The following SEZ6L variants were observed in gnomAD, a reference collection of about 807,000 sequenced individuals.
SEZ6L encodes the protein seizure 6-like protein.
SEZ6L carries 37 observed loss-of-function variants against 106.2 expected under a neutral mutation model. The observed-to-expected ratio is 0.35, with a 90% CI of 0.27 to 0.46. The LOEUF (loss-of-function observed/expected upper bound fraction) is 0.46. SEZ6L is among the 20% of genes least tolerant of loss of function. SEZ6L has a pLI of 1.00. For synonymous variants in SEZ6L, 541 were observed against 570.4 expected, an observed-to-expected ratio of 0.95 and a Z score of 0.73; for missense variants, 1,172 against 1,332.8, an observed-to-expected ratio of 0.88 and a Z score of 1.88.
chr22:26,191,870 C>T (rs1177489755), intron 1 of SEZ6L, among the ~76,000 whole-genome samples: 1 of 152,138 alleles, frequency 6.6e-6, no homozygotes, highest in African/African-American at 2.4e-5. Context: ...ACTTCCAGTC[C>T]TTGTGTTCAA....
At chr22:26,328,062 T>A (rs2082374401) in intron 9 of SEZ6L, among the ~76,000 whole-genome samples, 1 of 152,182 alleles carries the variant, frequency 6.6e-6, no homozygotes, top group Non-Finnish European at 1.5e-5. Flanking sequence ...AGTGTGTGGG[T>A]CCAACCTTCT....
intron 9 of SEZ6L, among the ~76,000 whole-genome samples, chr22:26,325,338 G>T (rs1314602967): frequency 1.3e-5 from 2 of 152,158 alleles, no homozygotes; most frequent in Non-Finnish European, 2.9e-5. Context: ...CAGGTCTCCT[G>T]GTCCCAGCCC....
chr22:26,327,374 G>T (rs534451657), intron 9 of SEZ6L, among the ~76,000 whole-genome samples: 12 of 107,680 alleles, frequency 1.1e-4, no homozygotes, highest in Admixed American at 2.9e-4. Context: ...CACACCACAT[G>T]ACACTACACA....
At chr22:26,320,256 G>A (rs1156292685) in intron 9 of SEZ6L, among the ~76,000 whole-genome samples, 9 of 152,228 alleles carry the variant, frequency 5.9e-5, no homozygotes, top group African/African-American at 2.2e-4. Flanking sequence ...GCCAAGTGCC[G>A]TGGGGCTTGG....
intron 16 of SEZ6L, among the ~76,000 whole-genome samples, chr22:26,379,251 G>C (rs1247368287): frequency 6.6e-6 from 1 of 152,246 alleles, no homozygotes; most frequent in African/African-American, 2.4e-5. Context: ...TTCAGAGCCA[G>C]CAACAGAGAG....
intron 5 of SEZ6L, among the ~76,000 whole-genome samples, chr22:26,303,398 T>C (rs182118340): frequency 1.6e-3 from 242 of 152,314 alleles, no homozygotes; most frequent in African/African-American, 5.7e-3. Context: ...ATATTAGAGA[T>C]ACAAAAAGGA....
chr22:26,309,085 C>T (rs1367486837), intron 6 of SEZ6L, among the ~76,000 whole-genome samples: 1 of 152,154 alleles, frequency 6.6e-6, no homozygotes, highest in Non-Finnish European at 1.5e-5. Flanking sequence ...ATTAGAAATT[C>T]ATCTGGGCAG....
At chr22:26,311,678 A>G in intron 7 of SEZ6L, 90 bp from the exon 8 acceptor site, 11 of 1,173,874 alleles carry the variant, frequency 9.4e-6, no homozygotes, top group Non-Finnish European at 1.2e-5. Context: ...GGGCTTTTCT[A>G]AACAGCACAG....
chr22:26,335,809 G>A (rs1211611658), intron 9 of SEZ6L, among the ~76,000 whole-genome samples: 1 of 152,116 alleles, frequency 6.6e-6, no homozygotes, highest in Non-Finnish European at 1.5e-5. Context: ...TTCTTTTGGT[G>A]AGCATCAAAT....
chr22:26,237,230 T>G, intron 1 of SEZ6L, among the ~76,000 whole-genome samples: 1 of 152,242 alleles, frequency 6.6e-6, no homozygotes, highest in East Asian at 1.9e-4. Context: ...TTCTTAGCAC[T>G]GACTCGCTGC....
intron 8 of SEZ6L, among the ~76,000 whole-genome samples, chr22:26,313,210 T>C (rs1335215824): frequency 6.6e-6 from 1 of 152,210 alleles, no homozygotes; most frequent in Non-Finnish European, 1.5e-5. Context: ...GCAGCTACCA[T>C]GTGCCAGACA....
Position 26,306,030 on chromosome 22 carries a change from CAA to C in SEZ6L, c.1401_1402del (p.Ser468LeufsTer3). 1.2e-6 allele frequency: 2 copies of C among 1,614,158 alleles called. No homozygotes were observed. Among genetic ancestry groups the C allele is most frequent in the Non-Finnish European group, 1.7e-6 (2 of 1,180,022 alleles). On this transcript the variant is annotated frameshift_variant, in exon 6 of 17. Coordinates refer to ENST00000248933, the MANE Select transcript of SEZ6L (RefSeq NM_021115.5). LOFTEE classifies it high-confidence loss of function. ...GCCACCATCGGCCGCGTCCTCTCCC[CAA>C]GTTACCCTGAAAACACAAATGGGAG... is the stretch of plus-strand genomic sequence containing the variant.
chr22:26,326,298 C>A (rs1019929053), intron 9 of SEZ6L, among the ~76,000 whole-genome samples: 1 of 152,196 alleles, frequency 6.6e-6, no homozygotes, highest in African/African-American at 2.4e-5. Flanking sequence ...CTTAGGGAGA[C>A]ACGACTGCTT....
chr22:26,375,370 C>A (rs553814749), intron 14 of SEZ6L, among the ~76,000 whole-genome samples: 46 of 152,252 alleles, frequency 3.0e-4, no homozygotes, highest in African/African-American at 9.9e-4. Flanking sequence ...TATGGCCAAC[C>A]CACCAAAGGA....
intron 1 of SEZ6L, among the ~76,000 whole-genome samples, chr22:26,194,840 A>G (rs541822728): frequency 6.6e-6 from 1 of 152,184 alleles, no homozygotes; most frequent in African/African-American, 2.4e-5. Flanking sequence ...ATACAAAAGC[A>G]TGTAAAGATC....
intron 1 of SEZ6L, among the ~76,000 whole-genome samples, chr22:26,290,953 T>C (rs1337215104): frequency 2.0e-5 from 3 of 152,300 alleles, no homozygotes; most frequent in Non-Finnish European, 4.4e-5. Flanking sequence ...AAAATGTACC[T>C]CCCCCAACCC....
chr22:26,352,705 C>A (rs1238638951), intron 12 of SEZ6L, among the ~76,000 whole-genome samples: 1 of 152,224 alleles, frequency 6.6e-6, no homozygotes, highest in Non-Finnish European at 1.5e-5. Context: ...ACTTACTGAG[C>A]ACTTACTGTA....
chr22:26,266,505 G>A lies in SEZ6L; in HGVS notation c.95-25901G>A, dbSNP rs531454441. On this transcript the variant is annotated intron_variant, in intron 1 of 16. Coordinates refer to ENST00000248933, the MANE Select transcript of SEZ6L (RefSeq NM_021115.5). ...GGAGAATGGCGTGAACCCGGGAGAC[G>A]GAGCTTGCAATGAGCCGAGATCGCA... is the stretch of plus-strand genomic sequence containing the variant. 1.6e-4 allele frequency among the ~76,000 whole-genome samples: 25 copies of A among 151,632 alleles called. No individual in the cohort carries two copies. The East Asian group carries it at 2.3e-3, about 14-fold the overall frequency.
intron 1 of SEZ6L, among the ~76,000 whole-genome samples, chr22:26,291,300 T>A (rs1220945151): frequency 2.0e-5 from 3 of 152,148 alleles, no homozygotes; most frequent in African/African-American, 4.8e-5. Context: ...GGGACATAGA[T>A]GGAGCTGGAA....
Sources: allele counts gnomAD v4.1 joint callset (sites outside exome capture counted in the v4.1 genomes callset), GRCh38; gene constraint gnomAD v4.1.1; transcripts MANE v1.5; gene names NCBI Gene and HGNC (gene_info 2026-07-23, HGNC 2026-07-21).